The following PPP1R16A variants were observed in gnomAD, a reference collection of about 807,000 sequenced individuals.
PPP1R16A encodes the protein myosin phosphatase-targeting subunit 3.
Under a neutral mutation model 46.6 loss-of-function variants are expected in PPP1R16A, and 39 were observed. That is an observed-to-expected ratio of 0.84 (90% confidence interval 0.65 to 1.09). The LOEUF (loss-of-function observed/expected upper bound fraction) is 1.09. PPP1R16A is among the 50% of genes least tolerant of loss of function. The pLI is 0.00. For synonymous variants in PPP1R16A, 413 were observed against 321.5 expected (o/e 1.28, Z -3.04); for missense variants, 798 against 735.6 (o/e 1.08, Z -0.98).
intron 1 of PPP1R16A, among the ~76,000 whole-genome samples, chr8:144,488,565 C>T (rs1376645009): frequency 6.6e-6 from 1 of 152,100 alleles, no homozygotes; most frequent in Non-Finnish European, 1.5e-5. Flanking sequence ...GGTGATGGAG[C>T]ACAGCTGGCC....
In PPP1R16A at chr8:144,493,877, C is replaced by A. The variant is rs935391354; in HGVS notation, c.-734-2584C>A. On this transcript the variant is annotated intron_variant, in intron 2 of 11. Coordinates refer to ENST00000435887, the MANE Select transcript of PPP1R16A (RefSeq NM_001329443.2). The surrounding 1 kb of genome is among the most constrained non-coding windows in gnomAD (Gnocchi z 4.3). ...GGGTGGGGCCAAGTGCCCTGTGAGC[C>A]GTGCTGGGTGGGGTGGGGGAGGTAG... Among the ~76,000 whole-genome samples the A allele has an allele frequency of 6.6e-6, 1 of 151,762 alleles. No homozygotes were observed. The highest frequency in any genetic ancestry group is 2.4e-5 in the African/African-American group (1 of 41,292).
In PPP1R16A at chr8:144,496,881, C is replaced by A; in HGVS notation, c.-314C>A. On this transcript the variant is annotated 5_prime_UTR_variant, in exon 3 of 12. Transcript: ENST00000435887. The stretch of plus-strand genomic sequence containing the variant: ...GAGGCCGGCCAGGTCTCGGGGCTGC[C>A]TCCCATAGGTTGTGCACCCTGACCC... The A allele has an allele frequency of 2.0e-6, 1 of 497,940 alleles. No homozygotes were observed. Among genetic ancestry groups the A allele is most frequent in the Admixed American group, 3.3e-5 (1 of 30,748 alleles). The allele number at this position is 497,940 out of a possible 1,614,324, so 30.8% of individuals were successfully genotyped here.
In PPP1R16A at chr8:144,500,367, C is replaced by G; in HGVS notation, c.681C>G (p.Ala227=). The G allele has an allele frequency of 6.5e-7, 1 of 1,531,942 alleles. No individual in the cohort carries two copies. 94.9% of individuals were successfully genotyped at this position (1,531,942 alleles called of 1,614,324 possible). Residue 227 remains alanine, a synonymous_variant, in exon 7 of 12, where the codon GCC becomes GCG. Transcript: ENST00000435887. ...TGCAGGCCGGGGCAGACCTCCATGCCCCCCTGGACCACGGGGCCACGCTGG... is the reference window on the plus strand; with the variant it reads ...TGCAGGCCGGGGCAGACCTCCATGCGCCCCTGGACCACGGGGCCACGCTGG... ...SRLQAGADLH[A]PLDHGATLLH... is the part of the protein sequence containing the mutation.
intron 1 of PPP1R16A, among the ~76,000 whole-genome samples, chr8:144,482,031 C>T (rs936623167): frequency 6.6e-6 from 1 of 152,190 alleles, no homozygotes; most frequent in Non-Finnish European, 1.5e-5. Context: ...CCGCCTTGGC[C>T]TCCCAAAGTG....
intron 3 of PPP1R16A, 164 bp from the exon 4 acceptor site, chr8:144,498,606 C>T (rs1240699268): frequency 1.9e-5 from 13 of 667,324 alleles, no homozygotes; most frequent in Non-Finnish European, 3.0e-5. Flanking sequence ...CGGCCTGGGC[C>T]AGACAGATGC....
At chr8:144,499,125 C>A in intron 5 of PPP1R16A, 64 bp downstream of exon 5, 1 of 1,509,930 alleles carries the variant, frequency 6.6e-7, no homozygotes, top group Non-Finnish European at 8.9e-7. Flanking sequence ...TCAGGAGGCT[C>A]CTCTTGGGCA....
chr8:144,483,936 T>C (rs1825541500), intron 1 of PPP1R16A, among the ~76,000 whole-genome samples: 1 of 152,216 alleles, frequency 6.6e-6, no homozygotes, highest in Non-Finnish European at 1.5e-5. Flanking sequence ...CTACCATCTT[T>C]CCTTCCAACT....
intron 5 of PPP1R16A, 122 bp from the exon 6 acceptor site, chr8:144,499,974 G>A (rs1354522988): frequency 1.1e-6 from 1 of 949,320 alleles, no homozygotes; most frequent in African/African-American, 1.6e-5. Flanking sequence ...GCAGCAGGTG[G>A]ACAGGGTGCC....
Position 144,492,366 on chromosome 8 carries a change from C to T in PPP1R16A, c.-735+2154C>T, listed in dbSNP as rs1272251899. Among the ~76,000 whole-genome samples the T allele has an allele frequency of 5.1e-5, 7 of 137,726 alleles. No individual in the cohort carries two copies. In the East Asian group the frequency reaches 1.5e-3, roughly 29 times the overall value. 90.4% of individuals were successfully genotyped at this position (137,726 alleles called of 152,430 possible). A position where few individuals can be genotyped will look rare whatever the true frequency, so the allele number is the denominator to read the frequency against. ...TTTTTTTTTTTTTGATAGGGAGTCT[C>T]TCTCTGTCACCCAGGCTGGGGTGCA... On this transcript the variant is annotated intron_variant, in intron 2 of 11. Transcript: ENST00000435887.
At position 144,500,114 on chromosome 8, in the gene PPP1R16A, G is replaced by A. The variant is rs775032530; in HGVS notation, c.495G>A (p.Ala165=). The A allele has an allele frequency of 2.5e-5, 41 of 1,610,694 alleles. No homozygotes were observed. Among genetic ancestry groups the A allele is most frequent in the Non-Finnish European group, 3.4e-5 (40 of 1,178,670 alleles). ...LLIASGANLL[A]VNTDGNMPYD... ...CCTGCAGTGGCGCCAATCTCCTGGC[G>A]GTCAACACCGACGGGAACATGCCCT... Residue 165 remains alanine (A), a synonymous_variant, in exon 6 of 12, where the codon GCG becomes GCA. Transcript: ENST00000435887.
intron 1 of PPP1R16A, among the ~76,000 whole-genome samples, chr8:144,484,057 G>T (rs1200260311): frequency 2.6e-5 from 4 of 152,202 alleles, no homozygotes; most frequent in Non-Finnish European, 5.9e-5. Flanking sequence ...TGCGCCCTAG[G>T]TTGGTTGTCT....
At chr8:144,481,089 A>G (rs1444162491) in intron 1 of PPP1R16A, among the ~76,000 whole-genome samples, 1 of 149,562 alleles carries the variant, frequency 6.7e-6, no homozygotes, top group Non-Finnish European at 1.5e-5. Context: ...TCGGGGTTTC[A>G]CCATGTTAGC....
At position 144,496,987 on chromosome 8, in the gene PPP1R16A, C is replaced by G. The variant is rs1324324978; in HGVS notation, c.-208C>G. On this transcript the variant is annotated 5_prime_UTR_variant, in exon 3 of 12. Coordinates refer to ENST00000435887, the MANE Select transcript of PPP1R16A (RefSeq NM_001329443.2). ...GTTTGGGGTGCCCTCCCACACTGCC[C>G]TCCCTGCCCCGGCCCATGCCCCCCA... 5 of 656,280 alleles carry G rather than the reference C, an allele frequency of 7.6e-6. No individual in the cohort carries two copies. Among genetic ancestry groups the G allele is most frequent in the Non-Finnish European group, 1.3e-5 (5 of 388,492 alleles). The allele number at this position is 656,280 out of a possible 1,614,324, so 40.7% of individuals were successfully genotyped here.
intron 5 of PPP1R16A, 145 bp from the exon 6 acceptor site, chr8:144,499,951 G>A: frequency 1.3e-6 from 1 of 746,418 alleles, no homozygotes; most frequent in Non-Finnish European, 2.2e-6. Flanking sequence ...GGGCCCCAAG[G>A]CTGCCTCTCC....
rs1260556136 is a variant in PPP1R16A at position 144,493,022 on chromosome 8, G to T, written c.-735+2810G>T. Reference sequence around the variant, plus strand: ...TGTGGAAGATGGGGTGATGGCAGGTGCCTGAGGCAGTGATGGGAGTAGAGA... The same window carrying T: ...TGTGGAAGATGGGGTGATGGCAGGTTCCTGAGGCAGTGATGGGAGTAGAGA... On this transcript the variant is annotated intron_variant, in intron 2 of 11. Coordinates refer to ENST00000435887, the MANE Select transcript of PPP1R16A (RefSeq NM_001329443.2). The surrounding 1 kb of genome is among the most constrained non-coding windows in gnomAD (Gnocchi z 4.3). Among the ~76,000 whole-genome samples, 12 of 152,172 alleles carry T rather than the reference G, an allele frequency of 7.9e-5. No individual in the cohort carries two copies. Among genetic ancestry groups the T allele is most frequent in the Admixed American group, 7.9e-4 (12 of 15,284 alleles).
At chr8:144,482,875 T>A (rs987560975) in intron 1 of PPP1R16A, among the ~76,000 whole-genome samples, 14 of 152,012 alleles carry the variant, frequency 9.2e-5, no homozygotes, top group African/African-American at 3.4e-4. Context: ...CTTGAGCTCC[T>A]GACCTCATGG....
chr8:144,489,417 G>C (rs545152060), intron 1 of PPP1R16A, among the ~76,000 whole-genome samples: 1 of 150,378 alleles, frequency 6.6e-6, no homozygotes, highest in Non-Finnish European at 1.5e-5. Flanking sequence ...TGTCTGGGAG[G>C]GGGTGAGCTG....
In PPP1R16A at chr8:144,501,268, G is replaced by T; in HGVS notation, c.1177G>T (p.Ala393Ser). ...PEDNDDRQTG[A>S]ELRPPPPEED... ...GGACAACGATGACCGCCAGACAGGC[G>T]CAGAGCTCAGGCCGCCGCCCCCGGA... Residue 393 changes from alanine to serine, a missense_variant, in exon 11 of 12, where the codon GCA (alanine) becomes TCA (serine). By Grantham distance (99) the Ala-to-Ser change is moderately conservative. Coordinates refer to ENST00000435887, the MANE Select transcript of PPP1R16A (RefSeq NM_001329443.2). The T allele has an allele frequency of 6.3e-7, 1 of 1,598,278 alleles. No individual in the cohort carries two copies. The highest frequency in any genetic ancestry group is 8.5e-7 in the Non-Finnish European group (1 of 1,176,736).
chr8:144,493,573 T>C lies in PPP1R16A; in HGVS notation c.-734-2888T>C, dbSNP rs999779316. 6.6e-6 allele frequency among the ~76,000 whole-genome samples: 1 copy of C among 152,096 alleles called. No individual in the cohort carries two copies. The highest frequency in any genetic ancestry group is 2.4e-5 in the African/African-American group (1 of 41,422). On this transcript the variant is annotated intron_variant, in intron 2 of 11. Coordinates refer to ENST00000435887, the MANE Select transcript of PPP1R16A (RefSeq NM_001329443.2). This position sits in a 1 kb window ranked among gnomAD's most constrained non-coding sequence, Gnocchi z 4.3. ...AGGTAGGAGGGAGGCAGTCTTTCCT[T>C]CTGGAGCCCTCAGCCCACTGCCGTG...
Sources: gnomAD v4.1 joint callset for allele counts (sites outside exome capture counted in the v4.1 genomes callset) on GRCh38, gnomAD v4.1.1 for gene constraint, Gnocchi (gnomAD v3.1) non-coding constraint, MANE v1.5 for transcripts, NCBI Gene and HGNC (gene_info 2026-07-23, HGNC 2026-07-21) for gene names.